The following CUX2 variants were observed in gnomAD, a reference collection of about 807,000 sequenced individuals.
CUX2 encodes the protein homeobox protein cut-like 2.
A neutral mutation model predicts 144.8 loss-of-function variants in CUX2; 40 were observed. The observed-to-expected ratio is 0.28, with a 90% CI of 0.21 to 0.36. The LOEUF (loss-of-function observed/expected upper bound fraction) is 0.36, where lower values mean the gene tolerates loss of function less well. Ranked by LOEUF, CUX2 falls within the 10% of genes least tolerant of loss-of-function variation. The pLI is 1.00. For missense variants in CUX2, 1,615 were observed against 1,994.0 expected (o/e 0.81, Z 3.62); for synonymous variants, 827 against 875.6 (o/e 0.94, Z 0.98).
chr12:111,063,820 T>TG (rs1870908242), intron 1 of CUX2, among the ~76,000 whole-genome samples: 1 of 152,178 alleles, frequency 6.6e-6, no homozygotes, highest in Non-Finnish European at 1.5e-5. Flanking sequence ...ACGGAGGCAA[T>TG]GGGGTTTAAT....
intron 1 of CUX2, among the ~76,000 whole-genome samples, chr12:111,207,624 CA>C (rs1880990486): frequency 6.6e-6 from 1 of 152,156 alleles, no homozygotes; most frequent in Non-Finnish European, 1.5e-5. Flanking sequence ...TCTCGACCAT[CA>C]CTTCACATAC....
intron 1 of CUX2, among the ~76,000 whole-genome samples, chr12:111,142,545 A>C (rs1370658489): frequency 1.3e-5 from 2 of 150,146 alleles, no homozygotes; most frequent in African/African-American, 5.1e-5. Context: ...AAAAAAAAAA[A>C]AACAGAAATG....
intron 1 of CUX2, among the ~76,000 whole-genome samples, chr12:111,107,584 A>G (rs1873687003): frequency 6.6e-6 from 1 of 152,210 alleles, no homozygotes; most frequent in Admixed American, 6.5e-5. Context: ...GAGTATTGGG[A>G]CATGTGCCCT....
rs753815508 is a variant in CUX2 at position 111,338,501 on chromosome 12, C to T, written c.3385+27C>T. 7.6e-6 allele frequency: 12 copies of T among 1,583,082 alleles called. No individual in the cohort carries two copies. In the Admixed American group the frequency reaches 1.9e-4, roughly 25 times the overall value. On this transcript the variant is annotated intron_variant, in intron 20 of 21. Coordinates refer to ENST00000261726, the MANE Select transcript of CUX2 (RefSeq NM_015267.4). Reference sequence around the variant, plus strand: ...TAAGACTTGGGCAGAGGATGGGCCCCAGCACTGGGTCTCAGATTTTCCCCA... The same window carrying T: ...TAAGACTTGGGCAGAGGATGGGCCCTAGCACTGGGTCTCAGATTTTCCCCA...
chr12:111,189,769 G>A (rs527957427), intron 1 of CUX2, among the ~76,000 whole-genome samples: 3 of 152,242 alleles, frequency 2.0e-5, no homozygotes, highest in Non-Finnish European at 2.9e-5. Flanking sequence ...TTAGGTTCTC[G>A]GGTGATGCCG....
chr12:111,330,712 T>TAC (rs1218061628), intron 18 of CUX2, among the ~76,000 whole-genome samples: 1 of 27,248 alleles, frequency 3.7e-5, no homozygotes, highest in South Asian at 1.2e-3. Flanking sequence ...TATATATATA[T>TAC]ATATATATAT....
At chr12:111,271,875 T>C (rs1884661526) in intron 4 of CUX2, among the ~76,000 whole-genome samples, 1 of 152,266 alleles carries the variant, frequency 6.6e-6, no homozygotes, top group Non-Finnish European at 1.5e-5. Flanking sequence ...TATTAACCTT[T>C]GTCCAGGTAT....
In CUX2 at chr12:111,056,012, T is replaced by G. The variant is rs975276563; in HGVS notation, c.63+21772T>G. Among the ~76,000 whole-genome samples the G allele has an allele frequency of 6.6e-5, 10 of 152,286 alleles. 1 individual carries two copies. Among genetic ancestry groups the G allele is most frequent in the Non-Finnish European group, 1.2e-4 (8 of 68,014 alleles). On this transcript the variant is annotated intron_variant, in intron 1 of 21. Transcript: ENST00000261726. The stretch of plus-strand genomic sequence containing the variant: ...ATGGGGCTTCCTGCGTTCTTTCCCC[T>G]CCATAGCTAGATTGTTTGCTATGCC...
chr12:111,161,078 A>G (rs1414991044), intron 1 of CUX2, among the ~76,000 whole-genome samples: 1 of 152,110 alleles, frequency 6.6e-6, no homozygotes, highest in African/African-American at 2.4e-5. Flanking sequence ...GCTTGACCAC[A>G]GACGGGGCAG....
At chr12:111,254,953 G>T (rs747206625) in intron 3 of CUX2, among the ~76,000 whole-genome samples, 60 of 152,146 alleles carry the variant, frequency 3.9e-4, no homozygotes, top group African/African-American at 1.4e-3. Flanking sequence ...GGGTTCAAGA[G>T]ATTCTACTGC....
At chr12:111,105,155 G>A (rs1328572977) in intron 1 of CUX2, among the ~76,000 whole-genome samples, 1 of 152,164 alleles carries the variant, frequency 6.6e-6, no homozygotes, top group Non-Finnish European at 1.5e-5. Context: ...GGTGAGCCCC[G>A]TTCCCTGGGT....
At chr12:111,318,739 A>G (rs1036918650) in intron 16 of CUX2, among the ~76,000 whole-genome samples, 3 of 151,642 alleles carry the variant, frequency 2.0e-5, no homozygotes, top group African/African-American at 7.3e-5. Flanking sequence ...TCGGAGTGCA[A>G]TCTTGGTTCA....
intron 1 of CUX2, among the ~76,000 whole-genome samples, chr12:111,162,065 A>C (rs1488048714): frequency 6.6e-6 from 1 of 152,216 alleles, no homozygotes; most frequent in Non-Finnish European, 1.5e-5. Flanking sequence ...TCACTTCAGC[A>C]GGGGCGTTAC....
At chr12:111,118,483 C>G (rs1874430169) in intron 1 of CUX2, among the ~76,000 whole-genome samples, 1 of 152,168 alleles carries the variant, frequency 6.6e-6, no homozygotes, top group African/African-American at 2.4e-5. Flanking sequence ...CATTACCAGT[C>G]AGGGCTTTTT....
chr12:111,194,582 C>T lies in CUX2; in HGVS notation c.64-19618C>T, dbSNP rs74680644. Among the ~76,000 whole-genome samples, 948 of 152,326 alleles carry T rather than the reference C, an allele frequency of 6.2e-3. 9 individuals are homozygous for T. The highest frequency in any genetic ancestry group is 0.022 in the African/African-American group (899 of 41,576). Reference sequence around the variant, plus strand: ...ACCGATCGGCCAGAGCTGAGCATTGCAGCCTCCTGTAGCAGGGACGCTGGT... The same window carrying T: ...ACCGATCGGCCAGAGCTGAGCATTGTAGCCTCCTGTAGCAGGGACGCTGGT... On this transcript the variant is annotated intron_variant, in intron 1 of 21. Transcript: ENST00000261726.
intron 4 of CUX2, among the ~76,000 whole-genome samples, chr12:111,268,746 G>T (rs1291227974): frequency 2.0e-5 from 3 of 152,218 alleles, no homozygotes; most frequent in African/African-American, 7.2e-5. Context: ...CCGCCTTTTT[G>T]CTTATAATGT....
rs114217482 is a variant in CUX2, at chr12:111,284,293, A to G, written c.302-7125A>G. ...ACAGGGGAACCAGAGAATTCAGTGC[A>G]TTGTCCAGGGTCACACAGCAGGCCA... On this transcript the variant is annotated intron_variant, in intron 4 of 21. Transcript: ENST00000261726. Among the ~76,000 whole-genome samples, 754 of 152,260 alleles carry G rather than the reference A, an allele frequency of 5.0e-3. 6 individuals carry two copies. The highest frequency in any genetic ancestry group is 0.017 in the African/African-American group (726 of 41,540).
At chr12:111,139,736 G>T (rs1876170310) in intron 1 of CUX2, among the ~76,000 whole-genome samples, 1 of 152,152 alleles carries the variant, frequency 6.6e-6, no homozygotes, top group Admixed American at 6.5e-5. Context: ...TCCTTCCATG[G>T]GGCTGAGCTT....
In CUX2 at chr12:111,267,485, G is replaced by T. The variant is rs139000869; in HGVS notation, c.301+3646G>T. ...AGGTCTCACAGGCAGGGAGAGATGTGACTCGGGTCTCATCATGTATAACAA... is the reference window on the plus strand; with the variant it reads ...AGGTCTCACAGGCAGGGAGAGATGTTACTCGGGTCTCATCATGTATAACAA... On this transcript the variant is annotated intron_variant, in intron 4 of 21. Coordinates refer to ENST00000261726, the MANE Select transcript of CUX2 (RefSeq NM_015267.4). 7.2e-5 allele frequency among the ~76,000 whole-genome samples: 11 copies of T among 152,308 alleles called. No homozygotes were observed. In the East Asian group the frequency reaches 1.9e-3, roughly 27 times the overall value.
Sources: allele counts gnomAD v4.1 joint callset (sites outside exome capture counted in the v4.1 genomes callset), GRCh38; gene constraint gnomAD v4.1.1; transcripts MANE v1.5; gene names NCBI Gene and HGNC (gene_info 2026-07-23, HGNC 2026-07-21).